MED23: variants seen among roughly 807,000 people sequenced by gnomAD.
MED23 encodes mediator of RNA polymerase II transcription subunit 23.
Under a neutral mutation model 163.9 loss-of-function variants are expected in MED23, and 105 were observed. That is an observed-to-expected ratio of 0.64 (90% CI 0.55 to 0.75). The LOEUF is 0.75. MED23 is among the 30% of genes least tolerant of loss of function. MED23 has a pLI of 0.00. For missense variants in MED23, 1,054 were observed against 1,649.0 expected, an observed-to-expected ratio of 0.64 and a Z score of 6.25; for synonymous variants, 561 against 565.6, an observed-to-expected ratio of 0.99 and a Z score of 0.12.
At chr6:131,620,188 T>C (rs919796947) in intron 7 of MED23, among the ~76,000 whole-genome samples, 3 of 152,242 alleles carry the variant, frequency 2.0e-5, no homozygotes, top group East Asian at 1.9e-4. Context: ...ATGAAAGAAA[T>C]ACATCATGAT....
intron 10 of MED23, 128 bp from the exon 11 acceptor site, chr6:131,610,374 A>C (rs140904060): frequency 5.1e-5 from 45 of 878,344 alleles, no homozygotes; most frequent in Middle Eastern, 6.3e-4. Context: ...TAAGAAGTCA[A>C]GGTTAGATTT....
chr6:131,608,588 T>C (rs1281304529), intron 11 of MED23, among the ~76,000 whole-genome samples: 1 of 152,120 alleles, frequency 6.6e-6, no homozygotes, highest in Non-Finnish European at 1.5e-5. Flanking sequence ...AGAACAAGGA[T>C]AGAGATGGGG....
intron 9 of MED23, among the ~76,000 whole-genome samples, chr6:131,617,044 T>A (rs1376072199): frequency 6.6e-6 from 1 of 151,604 alleles, no homozygotes; most frequent in South Asian, 2.1e-4. Flanking sequence ...GTTATATTTG[T>A]TAATTTTGCC....
chr6:131,603,023 A>T lies in MED23; in HGVS notation c.1931+7T>A, dbSNP rs757712481. On this transcript the variant is annotated splice_region_variant and intron_variant, in intron 16 of 28. Transcript: ENST00000368068. ...TCTTAAGGAAAGATGGTCTTCAATG[A>T]GCTCACCAAAGATGGAGCTGGTTCT... The T allele has an allele frequency of 6.2e-7, 1 of 1,613,524 alleles. No individual in the cohort carries two copies. Among genetic ancestry groups the T allele is most frequent in the Non-Finnish European group, 8.5e-7 (1 of 1,179,524 alleles).
intron 1 of MED23, among the ~76,000 whole-genome samples, 155 bp from the exon 2 acceptor site, chr6:131,627,827 A>G (rs1777629952): frequency 6.6e-6 from 1 of 152,210 alleles, no homozygotes; most frequent in South Asian, 2.1e-4. Flanking sequence ...ATTTCAAAGG[A>G]TACAATGAAC....
Position 131,610,042 on chromosome 6 carries a change from A to T in MED23, c.1077+4T>A, listed in dbSNP as rs1463032834. 1 of 1,612,844 alleles carries T rather than the reference A, an allele frequency of 6.2e-7. No homozygotes were observed. Among genetic ancestry groups the T allele is most frequent in the Admixed American group, 1.7e-5 (1 of 60,002 alleles). On this transcript the variant is annotated splice_donor_region_variant and intron_variant, in intron 11 of 28. Coordinates refer to ENST00000368068, the MANE Select transcript of MED23 (RefSeq NM_004830.4). ...TCACTCCGACCATAAGATTTAGTAC[A>T]TACCTTCTGATGAAGAGAAAGCACC...
At chr6:131,591,597 T>C (rs1585459093) in intron 25 of MED23, 70 bp from the exon 26 acceptor site, 3 of 1,161,468 alleles carry the variant, frequency 2.6e-6, no homozygotes, top group South Asian at 1.2e-5. Flanking sequence ...TCTAAAGTAA[T>C]AGTGTTTTCT....
intron 17 of MED23, 30 bp from the exon 18 acceptor site, chr6:131,600,192 A>G: frequency 1.3e-6 from 2 of 1,559,894 alleles, no homozygotes; most frequent in Non-Finnish European, 1.8e-6. Context: ...TGTAATCCAG[A>G]TATAAATGAT....
rs1237144492 is a variant in MED23 at position 131,618,427 on chromosome 6, CT to C, written c.759del (p.Gly254AlafsTer17). ...LDPATLRFPL[K>X]GLLPYDKDLF... ...CATACCTTATCATATGGCAAAAGGC[CT>C]TTCAAAGGAAAACGAAGAGTAGCAG... On this transcript the variant is annotated frameshift_variant, in exon 9 of 29. Transcript: ENST00000368068. LOFTEE classifies it high-confidence loss of function. The C allele has an allele frequency of 6.2e-7, 1 of 1,613,628 alleles. No individual in the cohort carries two copies. Among genetic ancestry groups the C allele is most frequent in the Admixed American group, 1.7e-5 (1 of 59,970 alleles).
intron 27 of MED23, among the ~76,000 whole-genome samples, chr6:131,589,999 G>A (rs986082142): frequency 4.6e-5 from 7 of 152,034 alleles, no homozygotes; most frequent in Non-Finnish European, 7.4e-5. Context: ...CCTTGTTTGC[G>A]ACATTTTGTT....
At chr6:131,600,246 T>G in intron 17 of MED23, 84 bp from the exon 18 acceptor site, 1 of 1,340,716 alleles carries the variant, frequency 7.5e-7, no homozygotes. Flanking sequence ...ATAATAATTA[T>G]GTACACTGAG....
chr6:131,611,765 C>A (rs1369400249), intron 10 of MED23, among the ~76,000 whole-genome samples: 1 of 152,110 alleles, frequency 6.6e-6, no homozygotes, highest in African/African-American at 2.4e-5. Flanking sequence ...TGGGAATTTG[C>A]TTCCAGTTTG....
chr6:131,610,898 T>C (rs1776233546), intron 10 of MED23, among the ~76,000 whole-genome samples: 1 of 152,198 alleles, frequency 6.6e-6, no homozygotes, highest in South Asian at 2.1e-4. Context: ...GCAGCTTTAA[T>C]TTTAAATTAG....
chr6:131,590,334 A>G lies in MED23; in HGVS notation c.3795T>C (p.Arg1265=). Residue 1265 remains arginine (R), a synonymous_variant, in exon 27 of 29, where the codon CGT becomes CGC. Transcript: ENST00000368068. ...GATTATATTTTACCTCTATCATACA[A>G]CGAGTTCTCTCTTGCTGAAATCTTT... ...FLQRFQQERT[R]CMIEIGVAFY... 1 of 1,612,432 alleles carries G rather than the reference A, an allele frequency of 6.2e-7. No individual in the cohort carries two copies. Among genetic ancestry groups the G allele is most frequent in the Non-Finnish European group, 8.5e-7 (1 of 1,178,800 alleles).
rs1197660812 is a variant in MED23 at position 131,590,401 on chromosome 6, A to G, written c.3728T>C (p.Phe1243Ser). Residue 1243 changes from phenylalanine to serine, a missense_variant, in exon 27 of 29, where the codon TTC becomes TCC. By Grantham distance (155) the Phe-to-Ser change is radical. Around this residue, in one of 11 missense-constraint regions of MED23, gnomAD observed 362 missense variants for 471.6 expected, o/e 0.77. Coordinates refer to ENST00000368068, the MANE Select transcript of MED23 (RefSeq NM_004830.4). Reference protein sequence around the residue: ...EVLLPIVKTEFQLLYVYHLVG... With the variant: ...EVLLPIVKTESQLLYVYHLVG... Reference sequence around the variant, plus strand: ...AAGATGGTATACATAAAGCAACTGGAATTCGGTCTTCACTATAGGAAGAAG... The same window carrying G: ...AAGATGGTATACATAAAGCAACTGGGATTCGGTCTTCACTATAGGAAGAAG... 2 of 1,608,638 alleles carry G rather than the reference A, an allele frequency of 1.2e-6. No homozygotes were observed. The highest frequency in any genetic ancestry group is 3.3e-5 in the Admixed American group (2 of 59,980).
chr6:131,626,066 G>A (rs1347125672), intron 3 of MED23, among the ~76,000 whole-genome samples: 1 of 145,300 alleles, frequency 6.9e-6, no homozygotes, highest in African/African-American at 2.6e-5. Flanking sequence ...AGGTTGCAGT[G>A]AGCCAAGATC....
chr6:131,591,721 C>T (rs1774650104), intron 25 of MED23, 194 bp from the exon 26 acceptor site: 1 of 624,790 alleles, frequency 1.6e-6, no homozygotes. Context: ...AGTTAAGGGG[C>T]TCCATACATG....
chr6:131,579,270 TG>T, intron 30 of MED23: 1 of 1,614,038 alleles, frequency 6.2e-7, no homozygotes, highest in Non-Finnish European at 8.5e-7. Context: ...AGCCTGGTGC[TG>T]GGCGGAGACC....
At chr6:131,599,395 T>C (rs141020325) in intron 18 of MED23, among the ~76,000 whole-genome samples, 1 of 152,320 alleles carries the variant, frequency 6.6e-6, no homozygotes, top group Non-Finnish European at 1.5e-5. Context: ...GCCTTTCTCC[T>C]TATTAGAAAA....
Sources: gnomAD v4.1 joint callset for allele counts (sites outside exome capture counted in the v4.1 genomes callset) on GRCh38, gnomAD v4.1.1 for gene constraint, gnomAD v4.1.1 regional missense constraint, MANE v1.5 for transcripts, NCBI Gene and HGNC (gene_info 2026-07-23, HGNC 2026-07-21) for gene names.